The following SLC8A1 variants were observed in gnomAD, a reference collection of about 807,000 sequenced individuals.
SLC8A1 encodes the protein solute carrier family 8 member A1.
SLC8A1 carries 18 observed loss-of-function variants against 68.3 expected under a neutral mutation model. That is an observed-to-expected ratio of 0.26 (90% CI 0.18 to 0.39). The LOEUF (loss-of-function observed/expected upper bound fraction) is 0.39, where lower values mean the gene tolerates loss of function less well. SLC8A1 is among the 10% of genes least tolerant of loss of function. The pLI is 1.00. For synonymous variants in SLC8A1, 475 were observed against 415.5 expected, an observed-to-expected ratio of 1.14 and a Z score of -1.74; for missense variants, 985 against 1,156.7, an observed-to-expected ratio of 0.85 and a Z score of 2.15.
intron 2 of SLC8A1, among the ~76,000 whole-genome samples, chr2:40,239,187 G>C (rs2060867138): frequency 6.6e-6 from 1 of 152,102 alleles, no homozygotes; most frequent in Non-Finnish European, 1.5e-5. Flanking sequence ...CATGCAAAAA[G>C]GGGCATAAAG....
At position 40,186,125 on chromosome 2, in the gene SLC8A1, A is replaced by G. The variant is rs576707946; in HGVS notation, c.1809-8270T>C. 2.4e-4 allele frequency among the ~76,000 whole-genome samples: 36 copies of G among 152,310 alleles called. No homozygotes were observed. The South Asian group carries it at 6.4e-3, about 27-fold the overall frequency. On this transcript the variant is annotated intron_variant, in intron 2 of 7. Coordinates refer to ENST00000406785, the Ensembl canonical transcript of SLC8A1. Reference sequence around the variant, plus strand: ...CTTTCTTTTCCCCAAAATATAAGGTATTATGAAAATGTCAGAAGCAGCTTT... The same window carrying G: ...CTTTCTTTTCCCCAAAATATAAGGTGTTATGAAAATGTCAGAAGCAGCTTT...
At chr2:40,318,585 C>A (rs1029992053) in intron 2 of SLC8A1, among the ~76,000 whole-genome samples, 4 of 152,082 alleles carry the variant, frequency 2.6e-5, no homozygotes, top group Non-Finnish European at 4.4e-5. Flanking sequence ...ACACTTAACT[C>A]TTATACAAAC....
exon 8 of SLC8A1, chr2:40,106,269 TG>T (rs2034192038): frequency 6.6e-6 from 1 of 152,220 alleles, no homozygotes. Flanking sequence ...CTGGGCAAAG[TG>T]GCTCATGCCT....
chr2:40,325,857 T>C (rs971356215), intron 2 of SLC8A1, among the ~76,000 whole-genome samples: 1 of 151,350 alleles, frequency 6.6e-6, no homozygotes, highest in African/African-American at 2.4e-5. Context: ...GGGACTGATA[T>C]TCGATATTTC....
chr2:40,362,809 G>T (rs1222540716), intron 2 of SLC8A1, among the ~76,000 whole-genome samples: 1 of 151,996 alleles, frequency 6.6e-6, no homozygotes, highest in African/African-American at 2.4e-5. Context: ...ACATCTTTTT[G>T]TACAAGTTAA....
At chr2:40,214,576 G>C (rs2057159556) in intron 2 of SLC8A1, among the ~76,000 whole-genome samples, 1 of 151,760 alleles carries the variant, frequency 6.6e-6, no homozygotes, top group African/African-American at 2.4e-5. Flanking sequence ...CGAGTAGCTG[G>C]GATTACAGGT....
chr2:40,328,728 A>G (rs1221954131), intron 2 of SLC8A1, among the ~76,000 whole-genome samples: 1 of 152,120 alleles, frequency 6.6e-6, no homozygotes, highest in African/African-American at 2.4e-5. Context: ...CATAGCTCAC[A>G]CTGAATCAGT....
chr2:40,229,491 C>G (rs185392222), intron 2 of SLC8A1, among the ~76,000 whole-genome samples: 2 of 152,250 alleles, frequency 1.3e-5, no homozygotes, highest in African/African-American at 4.8e-5. Flanking sequence ...AAACTCTCTT[C>G]TGTGTTATCT....
chr2:40,203,935 C>G (rs985106060), intron 2 of SLC8A1, among the ~76,000 whole-genome samples: 1 of 151,904 alleles, frequency 6.6e-6, no homozygotes, highest in African/African-American at 2.4e-5. Context: ...AAGCTGGTCT[C>G]AAACTCTTGG....
intron 2 of SLC8A1, among the ~76,000 whole-genome samples, chr2:40,412,861 A>G (rs897867827): frequency 1.3e-5 from 2 of 152,170 alleles, no homozygotes; most frequent in African/African-American, 2.4e-5. Flanking sequence ...ATCCTCTGAA[A>G]TGCTAGAGTG....
intron 1 of SLC8A1, among the ~76,000 whole-genome samples, chr2:40,469,033 A>T (rs1703857223): frequency 6.6e-6 from 1 of 152,134 alleles, no homozygotes; most frequent in Non-Finnish European, 1.5e-5. Context: ...ATAAGTGCAA[A>T]AATATTACCA....
intron 2 of SLC8A1, among the ~76,000 whole-genome samples, chr2:40,341,655 T>C (rs1667731421): frequency 6.6e-6 from 1 of 152,164 alleles, no homozygotes; most frequent in Non-Finnish European, 1.5e-5. Context: ...TCTTCCAACG[T>C]AAAAATTGCA....
At chr2:40,334,816 G>C (rs1249889177) in intron 2 of SLC8A1, among the ~76,000 whole-genome samples, 3 of 152,122 alleles carry the variant, frequency 2.0e-5, no homozygotes, top group African/African-American at 4.8e-5. Flanking sequence ...ATATATTAAA[G>C]AAGAACTGTT....
At chr2:40,368,710 G>A (rs547127084) in intron 2 of SLC8A1, among the ~76,000 whole-genome samples, 37 of 152,016 alleles carry the variant, frequency 2.4e-4, no homozygotes, top group Admixed American at 1.5e-3. Flanking sequence ...CCTAGTACCC[G>A]TTAGTCATTT....
At chr2:40,369,550 T>G (rs1273830329) in intron 2 of SLC8A1, among the ~76,000 whole-genome samples, 1 of 152,130 alleles carries the variant, frequency 6.6e-6, no homozygotes, top group Non-Finnish European at 1.5e-5. Flanking sequence ...GATGTTTTAC[T>G]GTACTCCAGT....
At chr2:40,199,436 A>T (rs1016142577) in intron 2 of SLC8A1, among the ~76,000 whole-genome samples, 1 of 151,612 alleles carries the variant, frequency 6.6e-6, no homozygotes, top group African/African-American at 2.4e-5. Context: ...AAGGACCATA[A>T]ATATTGTTTG....
At chr2:40,125,732 T>TA (rs2037940932) in intron 7 of SLC8A1, among the ~76,000 whole-genome samples, 6 of 151,942 alleles carry the variant, frequency 3.9e-5, no homozygotes, top group Admixed American at 3.9e-4. Context: ...TCTTACTAGA[T>TA]ACGTAACTTA....
At chr2:40,230,669 T>C (rs1574400257) in intron 2 of SLC8A1, among the ~76,000 whole-genome samples, 2 of 152,210 alleles carry the variant, frequency 1.3e-5, no homozygotes, top group East Asian at 3.8e-4. Flanking sequence ...TTAATGAACA[T>C]ATATGGATAT....
At chr2:40,305,321 T>G (rs1001609018) in intron 2 of SLC8A1, among the ~76,000 whole-genome samples, 17 of 152,140 alleles carry the variant, frequency 1.1e-4, no homozygotes, top group African/African-American at 4.1e-4. Context: ...CTGATAATAT[T>G]TAGTTGTGAG....
Sources: gnomAD v4.1 joint callset for allele counts (sites outside exome capture counted in the v4.1 genomes callset) on GRCh38, gnomAD v4.1.1 for gene constraint, MANE v1.5 for transcripts, NCBI Gene and HGNC (gene_info 2026-07-23, HGNC 2026-07-21) for gene names.